FNIP1: variants seen among roughly 807,000 people sequenced by gnomAD.
FNIP1 encodes folliculin-interacting protein 1.
A neutral mutation model predicts 124.5 loss-of-function variants in FNIP1; 40 were observed. The ratio of observed to expected loss-of-function variants is 0.32; its 90% CI spans 0.25 to 0.42. The LOEUF is 0.42. FNIP1 is among the 10% of genes least tolerant of loss of function. The pLI is 1.00. For synonymous variants in FNIP1, 472 were observed against 470.6 expected, an observed-to-expected ratio of 1.00 and a Z score of -0.04; for missense variants, 1,176 against 1,403.7, an observed-to-expected ratio of 0.84 and a Z score of 2.59.
Position 131,679,105 on chromosome 5 carries a change from T to C in FNIP1, c.1273A>G (p.Thr425Ala). The change falls in exon 12 of 18, where the codon ACT becomes GCT. Residue 425 changes from threonine (T) to alanine (A), a missense_variant. Physicochemically the swap from Thr to Ala is moderately conservative, Grantham distance 58. This residue lies in a region of FNIP1 where 1,109 missense variants were observed against 1,288.5 expected (regional missense o/e 0.86). Transcript: ENST00000510461. ...EPVWLTMMSG[T>A]PEKNHLCYRF... is the part of the protein sequence containing the mutation. Reference sequence around the variant, plus strand: ...TAGCAAAGGTGGTTCTTTTCTGGAGTCCCCGACATCATTGTAAGCCAGACA... The same window carrying C: ...TAGCAAAGGTGGTTCTTTTCTGGAGCCCCCGACATCATTGTAAGCCAGACA... 1 of 1,608,174 alleles carries C rather than the reference T, an allele frequency of 6.2e-7. No individual in the cohort carries two copies. Among genetic ancestry groups the C allele is most frequent in the Non-Finnish European group, 8.5e-7 (1 of 1,175,016 alleles).
chr5:131,695,104 C>CAAATAAATAAATAAAT (rs72306515), intron 11 of FNIP1, among the ~76,000 whole-genome samples: 3 of 137,852 alleles, frequency 2.2e-5, no homozygotes, highest in South Asian at 2.4e-4. Flanking sequence ...GACACTGTCT[C>CAAATAAATAAATAAAT]AAATAAATAA....
At chr5:131,763,290 C>G (rs892092331) in intron 1 of FNIP1, among the ~76,000 whole-genome samples, 1 of 15,604 alleles carries the variant, frequency 6.4e-5, no homozygotes, top group African/African-American at 1.2e-4. Flanking sequence ...AATGCAAATA[C>G]ACACACACAC....
At chr5:131,772,612 C>T (rs1771677295) in intron 1 of FNIP1, among the ~76,000 whole-genome samples, 1 of 152,108 alleles carries the variant, frequency 6.6e-6, no homozygotes, top group Admixed American at 6.6e-5. Flanking sequence ...GCATTCCTTA[C>T]CTTAATAGCT....
At chr5:131,753,402 G>T (rs1490060819) in intron 1 of FNIP1, among the ~76,000 whole-genome samples, 1 of 152,110 alleles carries the variant, frequency 6.6e-6, no homozygotes, top group Non-Finnish European at 1.5e-5. Flanking sequence ...TTCCTACATT[G>T]AAATACTACT....
chr5:131,772,904 C>T (rs1207285051), intron 1 of FNIP1, among the ~76,000 whole-genome samples: 1 of 152,174 alleles, frequency 6.6e-6, no homozygotes, highest in Non-Finnish European at 1.5e-5. Flanking sequence ...AAACACAAAG[C>T]TGATTGTACC....
At chr5:131,784,970 A>G (rs1445692475) in intron 1 of FNIP1, among the ~76,000 whole-genome samples, 1 of 145,922 alleles carries the variant, frequency 6.9e-6, no homozygotes, top group Admixed American at 6.9e-5. Flanking sequence ...TAAATTTCTT[A>G]TAACTATATA....
intron 2 of FNIP1, among the ~76,000 whole-genome samples, chr5:131,733,141 G>T (rs1770157740): frequency 6.6e-6 from 1 of 152,040 alleles, no homozygotes; most frequent in South Asian, 2.1e-4. Flanking sequence ...GTCTGTTATT[G>T]GTGTATAAGA....
rs1580720620 is a variant in FNIP1, at chr5:131,643,450, T to C, written c.*1235A>G. ...CAGATAAGCAAAGAATAAACTATAATGTAGTACTCAAGTAAACTGAGGTAG... is the reference window on the plus strand; with the variant it reads ...CAGATAAGCAAAGAATAAACTATAACGTAGTACTCAAGTAAACTGAGGTAG... On this transcript the variant is annotated 3_prime_UTR_variant, in exon 18 of 18. Coordinates refer to ENST00000510461, the MANE Select transcript of FNIP1 (RefSeq NM_133372.3). The C allele has an allele frequency of 1.3e-5, 2 of 152,746 alleles. No individual in the cohort carries two copies. The highest frequency in any genetic ancestry group is 2.1e-4 in the South Asian group (1 of 4,828). 9.5% of individuals were successfully genotyped at this position (152,746 alleles called of 1,614,324 possible). A position where few individuals can be genotyped will look rare whatever the true frequency, so the allele number is the denominator to read the frequency against.
At chr5:131,724,086 C>T (rs2149545516) in intron 3 of FNIP1, among the ~76,000 whole-genome samples, 1 of 152,290 alleles carries the variant, frequency 6.6e-6, no homozygotes, top group South Asian at 2.1e-4. Context: ...ATATGTGCCA[C>T]ATTTTCTTTA....
Position 131,679,482 on chromosome 5 carries a change from A to G in FNIP1, c.1203-307T>C, listed in dbSNP as rs79375358. 5.7e-3 allele frequency among the ~76,000 whole-genome samples: 867 copies of G among 152,334 alleles called. 6 individuals are homozygous for G. Among genetic ancestry groups the G allele is most frequent in the African/African-American group, 0.02 (825 of 41,570 alleles). On this transcript the variant is annotated intron_variant, in intron 11 of 17. Transcript: ENST00000510461. ...ATGAAAGGATACGATGATAATTTCT[A>G]AAGCCCATTCCAGCTCCACATTTCT...
chr5:131,734,599 C>A (rs1373810168), intron 2 of FNIP1, among the ~76,000 whole-genome samples: 1 of 151,898 alleles, frequency 6.6e-6, no homozygotes, highest in Non-Finnish European at 1.5e-5. Context: ...ACAAAGAACT[C>A]AAACAAATTT....
intron 1 of FNIP1, among the ~76,000 whole-genome samples, chr5:131,791,742 A>C (rs1284891231): frequency 2.0e-5 from 3 of 152,256 alleles, no homozygotes; most frequent in Non-Finnish European, 4.4e-5. Context: ...GATTCAAACA[A>C]AACTACCATA....
intron 1 of FNIP1, among the ~76,000 whole-genome samples, chr5:131,754,327 T>C (rs1251036465): frequency 7.9e-5 from 12 of 152,166 alleles, no homozygotes; most frequent in Non-Finnish European, 1.5e-5. Flanking sequence ...TGAGGCAAAC[T>C]TACAATCTAG....
intron 11 of FNIP1, among the ~76,000 whole-genome samples, chr5:131,696,569 G>T (rs1018056422): frequency 6.6e-6 from 1 of 151,916 alleles, no homozygotes; most frequent in African/African-American, 2.4e-5. Flanking sequence ...CCTAAAAAAT[G>T]ATTTATAAAG....
chr5:131,650,013 A>G (rs192481437), intron 16 of FNIP1, among the ~76,000 whole-genome samples: 183 of 152,238 alleles, frequency 1.2e-3, no homozygotes, highest in African/African-American at 4.1e-3. Context: ...CAATGTTTTG[A>G]TTACTGTAGC....
intron 15 of FNIP1, among the ~76,000 whole-genome samples, chr5:131,655,440 TAC>T (rs1767163088): frequency 6.6e-6 from 1 of 152,180 alleles, no homozygotes; most frequent in Non-Finnish European, 1.5e-5. Flanking sequence ...TATAAAAACT[TAC>T]ACACTTACAA....
At chr5:131,673,916 G>A (rs1767839090) in intron 13 of FNIP1, among the ~76,000 whole-genome samples, 1 of 151,952 alleles carries the variant, frequency 6.6e-6, no homozygotes, top group Non-Finnish European at 1.5e-5. Context: ...GGCACCTGTA[G>A]TCCCAGCTAC....
intron 15 of FNIP1, among the ~76,000 whole-genome samples, chr5:131,653,548 A>G (rs1767105835): frequency 6.6e-6 from 1 of 152,110 alleles, no homozygotes; most frequent in African/African-American, 2.4e-5. Flanking sequence ...TCAAAAAAAA[A>G]AAAAGTCACT....
intron 1 of FNIP1, 82 bp downstream of exon 1, chr5:131,796,748 G>A (rs1772617780): frequency 2.2e-6 from 3 of 1,333,524 alleles, no homozygotes. Context: ...GCTCGGGTCG[G>A]AACACCGAAG....
Sources: allele counts gnomAD v4.1 joint callset (sites outside exome capture counted in the v4.1 genomes callset), GRCh38; gene constraint gnomAD v4.1.1; regional missense constraint gnomAD v4.1.1; transcripts MANE v1.5; gene names NCBI Gene and HGNC (gene_info 2026-07-23, HGNC 2026-07-21).